THSD7B: variants seen among roughly 807,000 people sequenced by gnomAD.
THSD7B encodes thrombospondin type-1 domain-containing protein 7B.
A neutral mutation model predicts 213.6 loss-of-function variants in THSD7B; 138 were observed. The ratio of observed to expected loss-of-function variants is 0.65; its 90% confidence interval spans 0.56 to 0.74. THSD7B has a LOEUF of 0.74. Among genes scored for constraint, THSD7B ranks in the 30% least tolerant of loss-of-function variants. The pLI, the probability that THSD7B is intolerant of heterozygous loss-of-function variation, is 0.00. For synonymous variants in THSD7B, 742 were observed against 687.0 expected (o/e 1.08, Z -1.25); for missense variants, 1,931 against 1,991.5 (o/e 0.97, Z 0.58).
At chr2:137,020,391 T>G (rs1686420553) in intron 2 of THSD7B, among the ~76,000 whole-genome samples, 1 of 152,178 alleles carries the variant, frequency 6.6e-6, no homozygotes, top group South Asian at 2.1e-4. Flanking sequence ...TTTCCAGACC[T>G]GCTAAATGCC....
intron 27 of THSD7B, among the ~76,000 whole-genome samples, chr2:137,670,259 A>C (rs914383968): frequency 6.6e-6 from 1 of 152,120 alleles, no homozygotes; most frequent in African/African-American, 2.4e-5. Context: ...AGCTCCAGGG[A>C]TCAGCCCTTT....
intron 3 of THSD7B, among the ~76,000 whole-genome samples, chr2:137,072,124 T>A (rs1405442183): frequency 6.6e-6 from 1 of 152,184 alleles, no homozygotes; most frequent in Admixed American, 6.6e-5. Flanking sequence ...TTTAAAGTAG[T>A]TTTTTCCAAT....
Position 137,160,624 on chromosome 2 carries a change from T to C in THSD7B, c.1525+256T>C, listed in dbSNP as rs144130493. Among the ~76,000 whole-genome samples, 5 of 152,314 alleles carry C rather than the reference T, an allele frequency of 3.3e-5. No individual in the cohort carries two copies. The East Asian group carries it at 7.7e-4, about 24-fold the overall frequency. ...TTTGGTATAACTTCATCTTTTGTTT[T>C]GTTTTGTTTTGTTTTCCAAGATGAG... On this transcript the variant is annotated intron_variant, in intron 6 of 27. Transcript: ENST00000409968.
intron 15 of THSD7B, among the ~76,000 whole-genome samples, chr2:137,469,936 A>G (rs542908015): frequency 8.0e-4 from 122 of 152,238 alleles, no homozygotes; most frequent in Non-Finnish European, 1.6e-3. Context: ...AAGCACTAAA[A>G]TATCCATACC....
intron 17 of THSD7B, among the ~76,000 whole-genome samples, chr2:137,610,193 C>T (rs1682262246): frequency 6.6e-6 from 1 of 151,912 alleles, no homozygotes; most frequent in Non-Finnish European, 1.5e-5. Flanking sequence ...AATCCAAACC[C>T]CGAAGTAGAT....
At chr2:136,834,083 G>T (rs1682806469) in intron 1 of THSD7B, among the ~76,000 whole-genome samples, 1 of 152,186 alleles carries the variant, frequency 6.6e-6, no homozygotes, top group Non-Finnish European at 1.5e-5. Flanking sequence ...GATATATCAT[G>T]TCAAAATATT....
At position 136,918,460 on chromosome 2, in the gene THSD7B, C is replaced by G. The variant is rs78152548; in HGVS notation, c.139+36143C>G. 3.1e-3 allele frequency among the ~76,000 whole-genome samples: 469 copies of G among 152,292 alleles called. 4 individuals are homozygous for G. The highest frequency in any genetic ancestry group is 0.011 in the African/African-American group (442 of 41,554). On this transcript the variant is annotated intron_variant, in intron 2 of 27. Coordinates refer to ENST00000409968, the MANE Select transcript of THSD7B (RefSeq NM_001316349.2). ...GTTGCTACGTTATATCTATTCTTCC[C>G]TTTGCCTGGATAAGACCTGCTCCCT...
At chr2:137,088,872 G>T (rs558246536) in intron 3 of THSD7B, among the ~76,000 whole-genome samples, 17 of 152,204 alleles carry the variant, frequency 1.1e-4, no homozygotes, top group Non-Finnish European at 2.4e-4. Flanking sequence ...TTGAAAAAAT[G>T]TTGAACATCA....
chr2:137,104,447 C>A (rs1199100102), intron 4 of THSD7B, among the ~76,000 whole-genome samples: 1 of 152,126 alleles, frequency 6.6e-6, no homozygotes, highest in Non-Finnish European at 1.5e-5. Context: ...CTAAAACCGA[C>A]ACCATAAGTG....
chr2:137,419,645 C>G (rs1686880241), intron 14 of THSD7B, among the ~76,000 whole-genome samples: 1 of 151,674 alleles, frequency 6.6e-6, no homozygotes, highest in South Asian at 2.1e-4. Flanking sequence ...GTGTAGAAAA[C>G]CAATTAGGAA....
chr2:137,388,361 G>A (rs925769591), intron 12 of THSD7B, among the ~76,000 whole-genome samples: 2 of 151,678 alleles, frequency 1.3e-5, no homozygotes, highest in Non-Finnish European at 2.9e-5. Flanking sequence ...AAAAAGGAGA[G>A]TGACCCTTAA....
At chr2:137,653,520 G>A (rs987805169) in intron 21 of THSD7B, among the ~76,000 whole-genome samples, 13 of 151,006 alleles carry the variant, frequency 8.6e-5, no homozygotes, top group Admixed American at 1.3e-4. Context: ...TGTTTTCGAC[G>A]CTTTGCTCTT....
In THSD7B at chr2:137,676,788, C is replaced by T; in HGVS notation, c.*183C>T. 1 of 504,024 alleles carries T rather than the reference C, an allele frequency of 2.0e-6. No individual in the cohort carries two copies. The allele number at this position is 504,024 out of a possible 1,614,324, so 31.2% of individuals were successfully genotyped here. A position where few individuals can be genotyped will look rare whatever the true frequency, so the allele number is the denominator to read the frequency against. On this transcript the variant is annotated 3_prime_UTR_variant, in exon 28 of 28. Transcript: ENST00000409968. The stretch of plus-strand genomic sequence containing the variant: ...TGGAGTCAAGGATTATTAGGTCTGC[C>T]ATTTTGTTTTCAAGTTGTTTGTGGG...
rs1558880405 is a variant in THSD7B, at chr2:137,675,450, G to GCA, written c.4740-1074_4740-1073insCA. Among the ~76,000 whole-genome samples, 385 of 127,844 alleles carry GCA rather than the reference G, an allele frequency of 3.0e-3. 3 individuals carry two copies. The highest frequency in any genetic ancestry group is 0.012 in the African/African-American group (357 of 30,450). 83.9% of individuals were successfully genotyped at this position (127,844 alleles called of 152,430 possible). On this transcript the variant is annotated intron_variant, in intron 27 of 27. Transcript: ENST00000409968. Reference sequence around the variant, plus strand: ...TATATATATATATATATATATATGCGGACAGTGTGGTGAAAAGGTTAAAAG... The same window carrying GCA: ...TATATATATATATATATATATATGCGCAGACAGTGTGGTGAAAAGGTTAAAAG...
At position 137,019,812 on chromosome 2, in the gene THSD7B, C is replaced by T. The variant is rs114155871; in HGVS notation, c.140-36608C>T. Reference sequence around the variant, plus strand: ...CTATAAATGTGATTTGATTAAATGACTGTGCACTCAGTTAATACTGTAGTG... The same window carrying T: ...CTATAAATGTGATTTGATTAAATGATTGTGCACTCAGTTAATACTGTAGTG... On this transcript the variant is annotated intron_variant, in intron 2 of 27. Transcript: ENST00000409968. 1.7e-3 allele frequency among the ~76,000 whole-genome samples: 263 copies of T among 152,226 alleles called. 1 individual carries two copies. Among genetic ancestry groups the T allele is most frequent in the African/African-American group, 5.9e-3 (244 of 41,542 alleles).
In THSD7B at chr2:137,170,638, G is replaced by T. The variant is rs1000112960; in HGVS notation, c.1526-103G>T. 3.8e-6 allele frequency: 4 copies of T among 1,062,620 alleles called. No individual in the cohort carries two copies. The African/African-American group carries it at 6.3e-5, about 17-fold the overall frequency. The allele number at this position is 1,062,620 out of a possible 1,614,324, so 65.8% of individuals were successfully genotyped here. On this transcript the variant is annotated intron_variant, in intron 6 of 27. Transcript: ENST00000409968. ...CATCAAGATAATACGTGCTTAGAGCGATGAGTACTTGAATAAAACTTTTCA... is the reference window on the plus strand; with the variant it reads ...CATCAAGATAATACGTGCTTAGAGCTATGAGTACTTGAATAAAACTTTTCA...
At chr2:137,135,899 GTTC>G (rs1304576001) in intron 5 of THSD7B, among the ~76,000 whole-genome samples, 3 of 151,940 alleles carry the variant, frequency 2.0e-5, no homozygotes, top group Non-Finnish European at 4.4e-5. Flanking sequence ...TAGACACACT[GTTC>G]TTCTTCAATA....
At chr2:137,337,423 C>T (rs1684663137) in intron 12 of THSD7B, among the ~76,000 whole-genome samples, 1 of 152,068 alleles carries the variant, frequency 6.6e-6, no homozygotes, top group African/African-American at 2.4e-5. Context: ...GTTACACTTT[C>T]TTGGCAATAA....
chr2:137,450,947 G>A lies in THSD7B; in HGVS notation c.3062G>A (p.Arg1021Lys). 1 of 1,613,250 alleles carries A rather than the reference G, an allele frequency of 6.2e-7. No homozygotes were observed. The highest frequency in any genetic ancestry group is 8.5e-7 in the Non-Finnish European group (1 of 1,179,508). The change falls in exon 15 of 28, where the codon AGA becomes AAA. Residue 1021 changes from arginine to lysine, a missense_variant. Transcript: ENST00000409968. ...SCSSSCGIGV[R>K]IRSKWLKEKP... is the part of the protein sequence containing the mutation. ...AGTTCATCTTGTGGAATTGGAGTGAGAATTCGATCCAAATGGCTAAAAGAA... is the reference window on the plus strand; with the variant it reads ...AGTTCATCTTGTGGAATTGGAGTGAAAATTCGATCCAAATGGCTAAAAGAA...
Sources: gnomAD v4.1 joint callset for allele counts (sites outside exome capture counted in the v4.1 genomes callset) on GRCh38, gnomAD v4.1.1 for gene constraint, MANE v1.5 for transcripts, NCBI Gene and HGNC (gene_info 2026-07-23, HGNC 2026-07-21) for gene names.